The following SLC12A1 variants were observed in gnomAD, a reference collection of about 807,000 sequenced individuals.
SLC12A1 encodes the protein Na-K-2Cl cotransporter.
Under a neutral mutation model 130.4 loss-of-function variants are expected in SLC12A1, and 89 were observed. The observed-to-expected ratio is 0.68, with a 90% CI of 0.58 to 0.81. The LOEUF (loss-of-function observed/expected upper bound fraction) is 0.81, where lower values mean the gene tolerates loss of function less well. SLC12A1 is among the 40% of genes least tolerant of loss of function. The probability of loss-of-function intolerance (pLI) is 0.00; values close to 1 mark genes in which losing one functional copy is unlikely to be tolerated. For synonymous variants in SLC12A1, 499 were observed against 460.0 expected, an observed-to-expected ratio of 1.08 and a Z score of -1.09; for missense variants, 1,310 against 1,336.4, an observed-to-expected ratio of 0.98 and a Z score of 0.31.
At chr15:48,237,223 C>T (rs1259413693) in intron 9 of SLC12A1, 3 of 558,552 alleles carry the variant, frequency 5.4e-6, no homozygotes, top group Non-Finnish European at 9.5e-6. Context: ...AAGAGACGGA[C>T]ATTTGAAACA....
intron 20 of SLC12A1, among the ~76,000 whole-genome samples, chr15:48,275,308 C>T (rs1361882878): frequency 6.6e-6 from 1 of 152,150 alleles, no homozygotes; most frequent in African/African-American, 2.4e-5. Flanking sequence ...AGTCCACTTA[C>T]AACACAACAT....
chr15:48,285,081 A>T (rs377420304), intron 20 of SLC12A1, 25 bp from the exon 21 acceptor site: 4 of 1,530,910 alleles, frequency 2.6e-6, no homozygotes, highest in Non-Finnish European at 3.5e-6. Flanking sequence ...TGAGTTAAGT[A>T]GGTGATTTTG....
chr15:48,232,530 GCATATACATC>G (rs1597412500), intron 7 of SLC12A1, among the ~76,000 whole-genome samples, 187 bp from the exon 8 acceptor site: 1 of 152,158 alleles, frequency 6.6e-6, no homozygotes, highest in Non-Finnish European at 1.5e-5. Context: ...TAAAAATGTG[GCATATACATC>G]CAAGTAGAAT....
At chr15:48,240,107 A>T (rs1383409297) in intron 9 of SLC12A1, among the ~76,000 whole-genome samples, 1 of 134,152 alleles carries the variant, frequency 7.5e-6, no homozygotes, top group East Asian at 2.1e-4. Context: ...ATATATATAT[A>T]TATCCATATA....
chr15:48,219,326 G>T lies in SLC12A1; in HGVS notation c.421-1308G>T, dbSNP rs1011740094. On this transcript the variant is annotated intron_variant, in intron 2 of 26. Coordinates refer to ENST00000380993, the MANE Select transcript of SLC12A1 (RefSeq NM_000338.3). The stretch of plus-strand genomic sequence containing the variant: ...TTGGGAGGCCAAGGTGGGCCTTCAG[G>T]TCAAGAGGGTCATGAGGTCAAGAGA... 5.3e-5 allele frequency among the ~76,000 whole-genome samples: 8 copies of T among 152,014 alleles called. No homozygotes were observed. The East Asian group carries it at 1.5e-3, about 29-fold the overall frequency.
chr15:48,269,815 G>A (rs1351905861), intron 19 of SLC12A1, 51 bp downstream of exon 19: 2 of 1,010,812 alleles, frequency 2.0e-6, no homozygotes, highest in East Asian at 2.4e-5. Flanking sequence ...ACTAAGCAGG[G>A]CAGTACATAA....
At position 48,230,344 on chromosome 15, in the gene SLC12A1, C is replaced by T. The variant is rs772712764; in HGVS notation, c.865-49C>T. 5.4e-6 allele frequency: 6 copies of T among 1,117,512 alleles called. No homozygotes were observed. The African/African-American group carries it at 9.2e-5, about 17-fold the overall frequency. 69.2% of individuals were successfully genotyped at this position (1,117,512 alleles called of 1,614,324 possible). On this transcript the variant is annotated intron_variant, in intron 6 of 26. Transcript: ENST00000380993. Reference sequence around the variant, plus strand: ...TACTGTTAAATGCTGCAATAAGACTCACATGCAAAAAGCTGTATCTCTAAG... The same window carrying T: ...TACTGTTAAATGCTGCAATAAGACTTACATGCAAAAAGCTGTATCTCTAAG...
At chr15:48,295,948 G>C (rs577545972) in intron 24 of SLC12A1, among the ~76,000 whole-genome samples, 1 of 152,302 alleles carries the variant, frequency 6.6e-6, no homozygotes, top group South Asian at 2.1e-4. Context: ...ATGGCCACTA[G>C]TAGCGCGTCT....
Position 48,207,921 on chromosome 15 carries a change from G to C in SLC12A1, c.202G>C (p.Glu68Gln). The change falls in exon 2 of 27, where the codon GAG becomes CAG. Residue 68 changes from glutamate to glutamine, a missense_variant. Physicochemically the swap from Glu to Gln is conservative, Grantham distance 29 (BLOSUM62 2). Transcript: ENST00000380993. Reference sequence around the variant, plus strand: ...AATCAGCTTTAGGCCTGGGAATCAGGAGTGCTATGACAATTTCCTCCAAAG... The same window carrying C: ...AATCAGCTTTAGGCCTGGGAATCAGCAGTGCTATGACAATTTCCTCCAAAG... ...LRISFRPGNQECYDNFLQSGE... is the reference protein window; with the variant it reads ...LRISFRPGNQQCYDNFLQSGE... 6.2e-7 allele frequency: 1 copy of C among 1,614,040 alleles called. No homozygotes were observed. Among genetic ancestry groups the C allele is most frequent in the Non-Finnish European group, 8.5e-7 (1 of 1,179,896 alleles).
At position 48,249,595 on chromosome 15, in the gene SLC12A1, C is replaced by T. The variant is rs2041624456; in HGVS notation, c.1705C>T (p.Pro569Ser). The change falls in exon 14 of 27, where the codon CCC becomes TCC. Residue 569 changes from proline to serine, a missense_variant. Physicochemically the swap from Pro to Ser is moderately conservative, Grantham distance 74. Coordinates refer to ENST00000380993, the MANE Select transcript of SLC12A1 (RefSeq NM_000338.3). Reference sequence around the variant, plus strand: ...TACAGCGGAACTGAACACCATTGCTCCCATCATCTCCAACTTTTTCCTGGC... The same window carrying T: ...TACAGCGGAACTGAACACCATTGCTTCCATCATCTCCAACTTTTTCCTGGC... The part of the protein sequence containing the change: ...ILIAELNTIA[P>S]IISNFFLASY... The T allele has an allele frequency of 6.2e-6, 10 of 1,613,700 alleles. No individual in the cohort carries two copies. The highest frequency in any genetic ancestry group is 8.5e-6 in the Non-Finnish European group (10 of 1,179,742).
chr15:48,264,995 A>G (rs887431237), intron 17 of SLC12A1, among the ~76,000 whole-genome samples: 28 of 152,150 alleles, frequency 1.8e-4, no homozygotes, highest in African/African-American at 6.5e-4. Flanking sequence ...TTGGATCCCA[A>G]CTGAAGCTAA....
rs67297912 is a variant in SLC12A1, at chr15:48,289,429, AAT to A, written c.2873+914_2873+915del. On this transcript the variant is annotated intron_variant, in intron 23 of 26. Transcript: ENST00000380993. ...TATATATATATATATATATATATAT[AAT>A]GTATAACTATGTATAACTGTATAAT... Among the ~76,000 whole-genome samples the A allele has an allele frequency of 7.4e-3, 880 of 119,508 alleles. 36 individuals carry two copies. The highest frequency in any genetic ancestry group is 0.018 in the African/African-American group (541 of 30,330). 78.4% of individuals were successfully genotyped at this position (119,508 alleles called of 152,430 possible).
intron 24 of SLC12A1, among the ~76,000 whole-genome samples, chr15:48,293,257 C>T (rs1260320622): frequency 6.6e-6 from 1 of 152,204 alleles, no homozygotes; most frequent in African/African-American, 2.4e-5. Flanking sequence ...CAGTAGTTTG[C>T]AAGGGTGCAA....
chr15:48,287,768 G>T (rs144430883), intron 21 of SLC12A1, among the ~76,000 whole-genome samples: 4 of 152,170 alleles, frequency 2.6e-5, no homozygotes, highest in Non-Finnish European at 5.9e-5. Flanking sequence ...ATTACTAAAG[G>T]TCTGAAAAAA....
At chr15:48,275,914 T>G (rs1300426128) in intron 20 of SLC12A1, among the ~76,000 whole-genome samples, 1 of 152,176 alleles carries the variant, frequency 6.6e-6, no homozygotes, top group Non-Finnish European at 1.5e-5. Context: ...TATCATGCTC[T>G]TTCGGTTATA....
intron 24 of SLC12A1, among the ~76,000 whole-genome samples, chr15:48,295,677 A>G (rs2042170502): frequency 6.6e-6 from 1 of 152,048 alleles, no homozygotes; most frequent in Admixed American, 6.5e-5. Context: ...CTGTTGTTTC[A>G]AGGTATTAAG....
At position 48,270,530 on chromosome 15, in the gene SLC12A1, T is replaced by C. The variant is rs8034503; in HGVS notation, c.2402+766T>C. Among the ~76,000 whole-genome samples, 719 of 150,428 alleles carry C rather than the reference T, an allele frequency of 4.8e-3. 8 individuals carry two copies. Among genetic ancestry groups the C allele is most frequent in the Middle Eastern group, 0.045 (13 of 288 alleles). On this transcript the variant is annotated intron_variant, in intron 19 of 26. Coordinates refer to ENST00000380993, the MANE Select transcript of SLC12A1 (RefSeq NM_000338.3). ...GAATTCCAACCCAGGACTATCCAAA[T>C]TCAAAGTTGAAACTCATGACTATAA... is the stretch of plus-strand genomic sequence containing the variant.
intron 5 of SLC12A1, 92 bp from the exon 6 acceptor site, chr15:48,229,097 T>G: frequency 1.5e-6 from 2 of 1,337,812 alleles, no homozygotes; most frequent in South Asian, 2.9e-5. Flanking sequence ...ATTGAAATAA[T>G]TCACACTGTA....
chr15:48,258,898 G>A (rs1480490417), intron 16 of SLC12A1, among the ~76,000 whole-genome samples: 1 of 152,048 alleles, frequency 6.6e-6, no homozygotes, highest in Non-Finnish European at 1.5e-5. Flanking sequence ...CTCACAATAC[G>A]TGGCAATTAT....
Sources: gnomAD v4.1 joint callset for allele counts (sites outside exome capture counted in the v4.1 genomes callset) on GRCh38, gnomAD v4.1.1 for gene constraint, MANE v1.5 for transcripts, NCBI Gene and HGNC (gene_info 2026-07-23, HGNC 2026-07-21) for gene names.